The following DST variants were observed in gnomAD, a reference collection of about 807,000 sequenced individuals.
The protein encoded by DST is bullous pemphigoid antigen.
In DST, 253 loss-of-function variants were observed where a neutral mutation model predicts 875.2. The ratio of observed to expected loss-of-function variants is 0.29; its 90% CI spans 0.26 to 0.32. DST has a LOEUF of 0.32. DST is among the 10% of genes least tolerant of loss of function. DST has a pLI of 1.00. For synonymous variants in DST, 3,124 were observed against 3,197.1 expected (o/e 0.98, Z 0.77); for missense variants, 8,287 against 9,111.6 (o/e 0.91, Z 3.68).
Position 56,633,008 on chromosome 6 carries a change from C to G in DST, c.3651G>C (p.Gln1217His). ...SIKTMLPGEH[Q>H]QVLSNLQSRF... ...GAGATTGTAGATTACTTAGAACTTG[C>G]TGATGTTCACCAGGTAGCATTGTCT... The change falls in exon 28 of 104, where the codon CAG becomes CAC. Residue 1217 changes from glutamine to histidine, a missense_variant. By Grantham distance (24) the Gln-to-His change is conservative (BLOSUM62 0). Coordinates refer to ENST00000680361, the MANE Select transcript of DST (RefSeq NM_001374736.1). 1 of 1,613,930 alleles carries G rather than the reference C, an allele frequency of 6.2e-7. No homozygotes were observed. The highest frequency in any genetic ancestry group is 1.7e-4 in the Middle Eastern group (1 of 6,058).
chr6:56,587,635 G>GA (rs907272017), intron 49 of DST, among the ~76,000 whole-genome samples: 1 of 152,072 alleles, frequency 6.6e-6, no homozygotes, highest in African/African-American at 2.4e-5. Flanking sequence ...TGAAATGAAG[G>GA]AAAAAATGTA....
chr6:56,820,189 C>T (rs1297936679), intron 4 of DST, among the ~76,000 whole-genome samples: 1 of 152,208 alleles, frequency 6.6e-6, no homozygotes, highest in African/African-American at 2.4e-5. Context: ...ACTATAGCAA[C>T]TGCAAAATAA....
chr6:56,504,126 T>TTACAACAG, intron 77 of DST, 28 bp from the exon 78 acceptor site: 1 of 1,482,802 alleles, frequency 6.7e-7, no homozygotes, highest in South Asian at 1.2e-5. Context: ...CCACGTGTTG[T>TTACAACAG]TACAACAGTA....
chr6:56,642,971 T>C (rs1202478426), intron 15 of DST: 4 of 1,382,942 alleles, frequency 2.9e-6, no homozygotes, highest in Non-Finnish European at 3.8e-6. Context: ...CTGATAACTA[T>C]TCAAAAGAAT....
chr6:56,620,855 C>A, intron 36 of DST: 1 of 775,176 alleles, frequency 1.3e-6, no homozygotes, highest in South Asian at 1.5e-5. Context: ...CCAGCAGCAT[C>A]ACCTTCTTCA....
intron 4 of DST, among the ~76,000 whole-genome samples, chr6:56,820,358 G>C (rs751988862): frequency 6.6e-6 from 1 of 152,202 alleles, no homozygotes; most frequent in Non-Finnish European, 1.5e-5. Context: ...AGAGTGGACT[G>C]TTGAATTTTC....
Position 56,460,271 on chromosome 6 carries a change from A to C in DST, c.23071-17T>G. On this transcript the variant is annotated splice_polypyrimidine_tract_variant and intron_variant, in intron 102 of 103. Transcript: ENST00000680361. The stretch of plus-strand genomic sequence containing the variant: ...TGGCGTTCCCTGTATTTAACCAGCA[A>C]CAAGACATTTCAAAATATTGCTCCT... 1 of 1,613,806 alleles carries C rather than the reference A, an allele frequency of 6.2e-7. No homozygotes were observed. The highest frequency in any genetic ancestry group is 8.5e-7 in the Non-Finnish European group (1 of 1,179,762).
At chr6:56,618,590 T>C (rs2098653660) in intron 36 of DST, 1 of 1,614,082 alleles carries the variant, frequency 6.2e-7, no homozygotes, top group Non-Finnish European at 8.5e-7. Context: ...CTGCCCTTGC[T>C]GCATTTGTTC....
rs750914195 is a variant in DST at position 56,851,453 on chromosome 6, T to C, written c.569A>G (p.Lys190Arg). The C allele has an allele frequency of 1.1e-5, 18 of 1,613,916 alleles. 1 individual carries two copies. The South Asian group carries it at 1.9e-4, about 17-fold the overall frequency. ...NLPKHERSKRKIQGGSVLDPA... is the reference protein window; with the variant it reads ...NLPKHERSKRRIQGGSVLDPA... ...GTCCAGCACTGAGCCCCCTTGAATC[T>C]TTCTTTTCGATCTCTCATGTTTAGG... Residue 190 changes from lysine (K) to arginine (R), a missense_variant, in exon 4 of 104, where the codon AAG (lysine) becomes AGG (arginine). By Grantham distance (26) the Lys-to-Arg change is conservative. Transcript: ENST00000680361.
rs368888096 is a variant in DST, at chr6:56,606,232, T to C, written c.8396A>G (p.Tyr2799Cys). 229 of 1,566,702 alleles carry C rather than the reference T, an allele frequency of 1.5e-4. No homozygotes were observed. Among genetic ancestry groups the C allele is most frequent in the Non-Finnish European group, 1.9e-4 (219 of 1,154,044 alleles). ...QSEESYGDYI[Y>C]DSNDQDDDDD... is the part of the protein sequence containing the mutation. ...ATCGTCATCCTGATCATTACTGTCA[T>C]ATATATAATCCCCATAACTTTCTTC... The change falls in exon 40 of 104, where the codon TAT becomes TGT. Residue 2799 changes from tyrosine (Y) to cysteine (C), a missense_variant. Physicochemically the swap from Tyr to Cys is radical, Grantham distance 194 (BLOSUM62 -2). Transcript: ENST00000680361.
chr6:56,694,609 T>C (rs2099252496), intron 9 of DST, among the ~76,000 whole-genome samples: 1 of 152,152 alleles, frequency 6.6e-6, no homozygotes, highest in Admixed American at 6.5e-5. Flanking sequence ...CTGATATTTG[T>C]ACTAACATGA....
intron 7 of DST, among the ~76,000 whole-genome samples, 196 bp from the exon 8 acceptor site, chr6:56,702,161 A>G (rs903127117): frequency 3.9e-5 from 6 of 152,138 alleles, no homozygotes; most frequent in Non-Finnish European, 7.4e-5. Context: ...ATTTTTTTCC[A>G]AGTATGTTTT....
intron 2 of DST, among the ~76,000 whole-genome samples, chr6:56,918,210 T>C (rs1042601083): frequency 2.6e-5 from 4 of 151,468 alleles, no homozygotes; most frequent in African/African-American, 9.7e-5. Context: ...CACTGCAACC[T>C]CCACCTCCCG....
intron 4 of DST, among the ~76,000 whole-genome samples, chr6:56,825,224 T>A (rs1385264426): frequency 2.0e-5 from 3 of 149,346 alleles, no homozygotes; most frequent in African/African-American, 5.0e-5. Flanking sequence ...CTCTGAAACA[T>A]GTGCTGTGTC....
At chr6:56,478,353 G>T (rs563010199) in intron 90 of DST, among the ~76,000 whole-genome samples, 1 of 152,088 alleles carries the variant, frequency 6.6e-6, no homozygotes, top group African/African-American at 2.4e-5. Context: ...GGTTGGAAGA[G>T]TGAGCCTGAC....
intron 9 of DST, among the ~76,000 whole-genome samples, chr6:56,687,274 A>T (rs554759836): frequency 6.6e-6 from 1 of 152,338 alleles, no homozygotes; most frequent in Admixed American, 6.5e-5. Context: ...CAGTGTAGGT[A>T]TTAGTAAGAA....
intron 75 of DST, among the ~76,000 whole-genome samples, chr6:56,507,346 C>T (rs2096350077): frequency 6.6e-6 from 1 of 152,158 alleles, no homozygotes; most frequent in African/African-American, 2.4e-5. Flanking sequence ...CACTGAATAA[C>T]CATAAACCAA....
chr6:56,606,091 T>A lies in DST; in HGVS notation c.8537A>T (p.Glu2846Val). 1.2e-6 allele frequency: 2 copies of A among 1,612,970 alleles called. No homozygotes were observed. The highest frequency in any genetic ancestry group is 1.7e-6 in the Non-Finnish European group (2 of 1,179,256). The change falls in exon 40 of 104, where the codon GAA becomes GTA. Residue 2846 changes from glutamate to valine, a missense_variant. Transcript: ENST00000680361. ...DIQLCASILN[E>V]NSDENENINT... ...AATATTTTCATTTTCATCACTGTTT[T>A]CATTTAAAATAGAGGCACACAACTG...
At chr6:56,614,758 A>G in intron 36 of DST, 9 of 1,055,856 alleles carry the variant, frequency 8.5e-6, no homozygotes, top group Non-Finnish European at 1.0e-5. Context: ...TTTAAATCTC[A>G]ACTTTATTCA....
Sources: gnomAD v4.1 joint callset for allele counts (sites outside exome capture counted in the v4.1 genomes callset) on GRCh38, gnomAD v4.1.1 for gene constraint, MANE v1.5 for transcripts, NCBI Gene and HGNC (gene_info 2026-07-23, HGNC 2026-07-21) for gene names.